Variants in HS6ST3 observed in about 807,000 individuals in gnomAD.
HS6ST3 encodes the protein heparan sulfate 6-O-sulfotransferase 3.
Under a neutral mutation model 36.7 loss-of-function variants are expected in HS6ST3, and 12 were observed. The ratio of observed to expected loss-of-function variants is 0.33; its 90% confidence interval spans 0.21 to 0.53. The LOEUF is 0.53. Among genes scored for constraint, HS6ST3 ranks in the 20% least tolerant of loss-of-function variants. HS6ST3 has a pLI of 0.95. For missense variants in HS6ST3, 584 were observed against 640.9 expected (o/e 0.91, Z 0.96); for synonymous variants, 240 against 257.5 (o/e 0.93, Z 0.65).
intron 1 of HS6ST3, among the ~76,000 whole-genome samples, chr13:96,711,491 C>T (rs376676610): frequency 1.3e-5 from 2 of 152,224 alleles, no homozygotes; most frequent in East Asian, 3.9e-4. Context: ...CTAAGTAATT[C>T]TCTGTGTGAA....
chr13:96,602,794 G>A (rs1011665986), intron 1 of HS6ST3, among the ~76,000 whole-genome samples: 5 of 152,184 alleles, frequency 3.3e-5, no homozygotes, highest in Non-Finnish European at 7.3e-5. Context: ...GCCTGTTGCT[G>A]TATTTTACTG....
At chr13:96,362,398 T>C (rs1658436067) in intron 1 of HS6ST3, among the ~76,000 whole-genome samples, 1 of 152,230 alleles carries the variant, frequency 6.6e-6, no homozygotes, top group Admixed American at 6.5e-5. Flanking sequence ...TTAGTGGTTT[T>C]AGATAGGATA....
chr13:96,530,475 C>G (rs1438531701), intron 1 of HS6ST3, among the ~76,000 whole-genome samples: 1 of 151,172 alleles, frequency 6.6e-6, no homozygotes, highest in African/African-American at 2.4e-5. Context: ...CACAGATATT[C>G]TTTAACTGAT....
At chr13:96,697,655 A>T (rs995032991) in intron 1 of HS6ST3, among the ~76,000 whole-genome samples, 2 of 152,230 alleles carry the variant, frequency 1.3e-5, no homozygotes, top group Non-Finnish European at 2.9e-5. Flanking sequence ...CTCACCTTTG[A>T]AGGAGGTCAT....
chr13:96,689,893 C>T (rs1306167457), intron 1 of HS6ST3, among the ~76,000 whole-genome samples: 1 of 151,878 alleles, frequency 6.6e-6, no homozygotes, highest in African/African-American at 2.4e-5. Flanking sequence ...GATAACTTAG[C>T]TATATGATAG....
At chr13:96,541,779 C>T (rs1365396617) in intron 1 of HS6ST3, among the ~76,000 whole-genome samples, 1 of 152,158 alleles carries the variant, frequency 6.6e-6, no homozygotes, top group Non-Finnish European at 1.5e-5. Context: ...TATGCCATGG[C>T]TTGCAACTAT....
At chr13:96,503,607 G>C (rs1271582249) in intron 1 of HS6ST3, among the ~76,000 whole-genome samples, 2 of 152,090 alleles carry the variant, frequency 1.3e-5, no homozygotes, top group Admixed American at 1.3e-4. Context: ...GGGTTCTTAT[G>C]GGGGAGAATG....
chr13:96,276,617 A>G (rs975377104), intron 1 of HS6ST3, among the ~76,000 whole-genome samples: 1 of 152,232 alleles, frequency 6.6e-6, no homozygotes, highest in Non-Finnish European at 1.5e-5. Flanking sequence ...ATTGCTATAC[A>G]GGTTAACTAT....
chr13:96,242,797 A>G lies in HS6ST3; in HGVS notation c.707+151228A>G, dbSNP rs565247157. Among the ~76,000 whole-genome samples, 47 of 152,366 alleles carry G rather than the reference A, an allele frequency of 3.1e-4. No individual in the cohort carries two copies. The South Asian group carries it at 8.9e-3, about 29-fold the overall frequency. ...TAAAAGATTTAGAAATAGAATTACCATAGAATCCAACAGTCTCACCTCTGG... is the reference window on the plus strand; with the variant it reads ...TAAAAGATTTAGAAATAGAATTACCGTAGAATCCAACAGTCTCACCTCTGG... On this transcript the variant is annotated intron_variant, in intron 1 of 1. Transcript: ENST00000376705.
In HS6ST3 at chr13:96,112,613, A is replaced by ATATATATG. The variant is rs1566884954; in HGVS notation, c.707+21051_707+21052insGTATATAT. ...TATATATATATATATATATATATAT[A>ATATATATG]TATATATATGCCCGGCTGGTGGTGT... is the stretch of plus-strand genomic sequence containing the variant. On this transcript the variant is annotated intron_variant, in intron 1 of 1. Transcript: ENST00000376705. Among the ~76,000 whole-genome samples, 52 of 110,724 alleles carry ATATATATG rather than the reference A, an allele frequency of 4.7e-4. 1 individual carries two copies. The highest frequency in any genetic ancestry group is 1.6e-3 in the African/African-American group (50 of 30,412). 72.6% of individuals were successfully genotyped at this position (110,724 alleles called of 152,430 possible). A position where few individuals can be genotyped will look rare whatever the true frequency, so the allele number is the denominator to read the frequency against.
At chr13:96,177,993 T>C (rs2054220614) in intron 1 of HS6ST3, among the ~76,000 whole-genome samples, 2 of 152,146 alleles carry the variant, frequency 1.3e-5, no homozygotes, top group South Asian at 4.2e-4. Flanking sequence ...GGGAGGACTG[T>C]GATTTAGGTA....
intron 1 of HS6ST3, among the ~76,000 whole-genome samples, chr13:96,779,179 G>A (rs1448656060): frequency 2.0e-5 from 3 of 152,010 alleles, no homozygotes; most frequent in Non-Finnish European, 2.9e-5. Context: ...ATGAGTGGGG[G>A]GCTAGGGGAG....
chr13:96,476,322 G>A (rs752442496), intron 1 of HS6ST3, among the ~76,000 whole-genome samples: 11 of 152,074 alleles, frequency 7.2e-5, no homozygotes, highest in Non-Finnish European at 1.5e-4. Flanking sequence ...GAGAGCCAGA[G>A]AACTAGACTT....
At chr13:96,648,923 C>T (rs572235916) in intron 1 of HS6ST3, among the ~76,000 whole-genome samples, 56 of 152,090 alleles carry the variant, frequency 3.7e-4, no homozygotes, top group Admixed American at 1.4e-3. Flanking sequence ...TGGGTTGATT[C>T]CATGTCTTTG....
At chr13:96,473,786 T>C (rs1400039646) in intron 1 of HS6ST3, among the ~76,000 whole-genome samples, 2 of 152,190 alleles carry the variant, frequency 1.3e-5, no homozygotes, top group Non-Finnish European at 1.5e-5. Context: ...AGAATGTGGC[T>C]GGCCAAAGTC....
At chr13:96,533,537 C>A (rs2138936348) in intron 1 of HS6ST3, among the ~76,000 whole-genome samples, 1 of 152,300 alleles carries the variant, frequency 6.6e-6, no homozygotes, top group Middle Eastern at 3.4e-3. Context: ...AATTTAATCA[C>A]AGCCAGAACA....
chr13:96,401,581 T>C (rs1352817052), intron 1 of HS6ST3, among the ~76,000 whole-genome samples: 2 of 152,184 alleles, frequency 1.3e-5, no homozygotes, highest in Admixed American at 6.5e-5. Flanking sequence ...AGGACTGTTA[T>C]TTATTTATTT....
At chr13:96,131,052 C>T (rs957724310) in intron 1 of HS6ST3, among the ~76,000 whole-genome samples, 9 of 152,240 alleles carry the variant, frequency 5.9e-5, no homozygotes, top group Admixed American at 1.3e-4. Context: ...ACTGCGTGAG[C>T]GACTGCCATG....
In HS6ST3 at chr13:96,103,861, A is replaced by G. The variant is rs551236775; in HGVS notation, c.707+12292A>G. ...TTTAAAACAGGACATTCTATATCAT[A>G]AATGACTTATCTAAGTGCATAAGTC... On this transcript the variant is annotated intron_variant, in intron 1 of 1. Coordinates refer to ENST00000376705, the MANE Select transcript of HS6ST3 (RefSeq NM_153456.4). Among the ~76,000 whole-genome samples, 46 of 152,294 alleles carry G rather than the reference A, an allele frequency of 3.0e-4. No homozygotes were observed. The East Asian group carries it at 3.7e-3, about 12-fold the overall frequency.
Sources: gnomAD v4.1 joint callset for allele counts (sites outside exome capture counted in the v4.1 genomes callset) on GRCh38, gnomAD v4.1.1 for gene constraint, MANE v1.5 for transcripts, NCBI Gene and HGNC (gene_info 2026-07-23, HGNC 2026-07-21) for gene names.